The following RDX variants were observed in gnomAD, a reference collection of about 807,000 sequenced individuals.
RDX encodes deafness, autosomal recessive 24.
A neutral mutation model predicts 83.7 loss-of-function variants in RDX; 32 were observed. The ratio of observed to expected loss-of-function variants is 0.38; its 90% CI spans 0.29 to 0.51. RDX has a LOEUF of 0.51. RDX is among the 20% of genes least tolerant of loss of function. The probability of loss-of-function intolerance (pLI) is 0.87; values close to 1 mark genes in which losing one functional copy is unlikely to be tolerated. For synonymous variants in RDX, 229 were observed against 222.7 expected (o/e 1.03, Z -0.25); for missense variants, 600 against 689.9 (o/e 0.87, Z 1.46).
At chr11:110,216,476 G>A (rs540013442) in intron 14 of RDX, among the ~76,000 whole-genome samples, 44 of 151,214 alleles carry the variant, frequency 2.9e-4, no homozygotes, top group African/African-American at 1.0e-3. Context: ...GGGCTCAAGT[G>A]ATCCTCCCAC....
intron 14 of RDX, among the ~76,000 whole-genome samples, chr11:110,211,803 C>T (rs963681606): frequency 9.2e-5 from 14 of 151,760 alleles, no homozygotes; most frequent in Non-Finnish European, 1.9e-4. Flanking sequence ...AAAGACACAA[C>T]ATACCAGAAT....
intron 1 of RDX, among the ~76,000 whole-genome samples, chr11:110,281,224 AT>A (rs1418956648): frequency 6.6e-6 from 1 of 152,220 alleles, no homozygotes; most frequent in Non-Finnish European, 1.5e-5. Flanking sequence ...CTAAGTTGTA[AT>A]AAAAATGAAA....
At chr11:110,196,402 A>G (rs1863211575) in intron 15 of RDX, among the ~76,000 whole-genome samples, 1 of 151,776 alleles carries the variant, frequency 6.6e-6, no homozygotes, top group South Asian at 2.1e-4. Flanking sequence ...GCGTCCACAA[A>G]CTCTACACTC....
At chr11:110,282,880 G>C (rs1011524353) in intron 1 of RDX, among the ~76,000 whole-genome samples, 1 of 152,150 alleles carries the variant, frequency 6.6e-6, no homozygotes, top group Non-Finnish European at 1.5e-5. Flanking sequence ...AAGAGGCTAA[G>C]GCAGGAAGAT....
intron 15 of RDX, among the ~76,000 whole-genome samples, chr11:110,198,983 T>G (rs1010989159): frequency 2.0e-5 from 3 of 152,050 alleles, no homozygotes; most frequent in Non-Finnish European, 4.4e-5. Context: ...TCCTAATTTT[T>G]TTTGTATTTT....
intron 3 of RDX, among the ~76,000 whole-genome samples, chr11:110,265,109 G>GTTTTTTTTTTTTTT (rs71053876): frequency 3.9e-4 from 35 of 90,694 alleles, no homozygotes; most frequent in Non-Finnish European, 5.4e-4. Context: ...TTTTTTTTTT[G>GTTTTTTTTTTTTTT]TTTTTTTTTT....
rs1169900187 is a variant in RDX at position 110,239,988 on chromosome 11, CCATAGTATCCAGCAATATCCAAAA to C, written c.1091-2360_1091-2337del. 2.6e-5 allele frequency among the ~76,000 whole-genome samples: 4 copies of C among 152,054 alleles called. No individual in the cohort carries two copies. The East Asian group carries it at 5.8e-4, about 22-fold the overall frequency. On this transcript the variant is annotated intron_variant, in intron 10 of 13. Coordinates refer to ENST00000645495, the MANE Select transcript of RDX (RefSeq NM_002906.4). ...TCAAAAAACTAAAACTACGGAATTA[CCATAGTATCCAGCAATATCCAAAA>C]CATAGTATCCAGCAATATCCAGCAA... is the stretch of plus-strand genomic sequence containing the variant.
At chr11:110,185,033 T>G (rs1383473732) in intron 15 of RDX, 1 of 152,170 alleles carries the variant, frequency 6.6e-6, no homozygotes, top group Non-Finnish European at 1.5e-5. Context: ...GTTTGTACTT[T>G]TACACTTCAA....
chr11:110,264,779 CTTT>C lies in RDX; in HGVS notation c.189_191del (p.Lys64del), dbSNP rs1276898609. ...TTTAATGTTATCGTACATATTTTACCTTTTTATTTAGTTTAAGCCATGTAGAAT... is the reference window on the plus strand; with the variant it reads ...TTTAATGTTATCGTACATATTTTACCTTATTTAGTTTAAGCCATGTAGAAT... On this transcript the variant is annotated inframe_deletion and splice_region_variant, in exon 4 of 14. Transcript: ENST00000645495. The C allele has an allele frequency of 1.9e-6, 3 of 1,597,242 alleles. No homozygotes were observed. Among genetic ancestry groups the C allele is most frequent in the Admixed American group, 3.3e-5 (2 of 59,860 alleles).
intron 3 of RDX, among the ~76,000 whole-genome samples, chr11:110,268,686 G>A (rs1480556304): frequency 2.0e-5 from 3 of 151,984 alleles, no homozygotes; most frequent in Non-Finnish European, 4.4e-5. Context: ...CAAATACAAG[G>A]AACAAGAAAG....
intron 12 of RDX, among the ~76,000 whole-genome samples, chr11:110,234,417 A>G (rs1290154607): frequency 6.6e-6 from 1 of 152,214 alleles, no homozygotes; most frequent in Non-Finnish European, 1.5e-5. Context: ...TTTTTGGGAA[A>G]TTCTTAATAT....
downstream of RDX, among the ~76,000 whole-genome samples, chr11:110,228,195 G>A (rs1864493686): frequency 6.6e-6 from 1 of 152,030 alleles, no homozygotes; most frequent in East Asian, 1.9e-4. Flanking sequence ...TTTAACATAT[G>A]GAACATGATT....
At chr11:110,184,506 G>A (rs1315103032) in intron 15 of RDX, among the ~76,000 whole-genome samples, 1 of 152,226 alleles carries the variant, frequency 6.6e-6, no homozygotes, top group Non-Finnish European at 1.5e-5. Flanking sequence ...TGCAGGGTGG[G>A]TGGTAGAGCC....
intron 14 of RDX, among the ~76,000 whole-genome samples, chr11:110,207,243 G>T (rs1565290934): frequency 6.6e-6 from 1 of 152,108 alleles, no homozygotes; most frequent in South Asian, 2.1e-4. Flanking sequence ...CAACATGCTG[G>T]GATTACAGGC....
intron 10 of RDX, among the ~76,000 whole-genome samples, chr11:110,243,376 A>G (rs1421914738): frequency 6.6e-6 from 1 of 152,218 alleles, no homozygotes; most frequent in Non-Finnish European, 1.5e-5. Flanking sequence ...GGAAGAAGTG[A>G]TAAGGACATA....
At chr11:110,216,083 G>C (rs1212375308) in intron 14 of RDX, among the ~76,000 whole-genome samples, 4 of 152,160 alleles carry the variant, frequency 2.6e-5, no homozygotes, top group Non-Finnish European at 2.9e-5. Context: ...GGGCCAAACT[G>C]CTCAGTGGAC....
rs1864658406 is a variant in RDX at position 110,232,039 on chromosome 11, T to TA, written c.1588-7dup. The stretch of plus-strand genomic sequence containing the variant: ...GCTAATTCTGAACTTAATGCCTATT[T>TA]AAAAAATAAAAAGTACAACTATTAT... On this transcript the variant is annotated splice_region_variant and splice_polypyrimidine_tract_variant and intron_variant, in intron 13 of 13. Transcript: ENST00000645495. 3 of 1,603,912 alleles carry TA rather than the reference T, an allele frequency of 1.9e-6. No homozygotes were observed. The highest frequency in any genetic ancestry group is 3.3e-4 in the Middle Eastern group (2 of 5,992).
intron 14 of RDX, among the ~76,000 whole-genome samples, chr11:110,209,005 C>A (rs961680672): frequency 6.6e-6 from 1 of 152,172 alleles, no homozygotes; most frequent in Non-Finnish European, 1.5e-5. Flanking sequence ...CGAATAGGAA[C>A]AGCTCCGGTC....
intron 9 of RDX, among the ~76,000 whole-genome samples, chr11:110,253,116 C>T (rs1246212004): frequency 6.6e-6 from 1 of 152,112 alleles, no homozygotes; most frequent in Non-Finnish European, 1.5e-5. Context: ...AAAAATCATT[C>T]AATATAAAAC....
Sources: gnomAD v4.1 joint callset for allele counts (sites outside exome capture counted in the v4.1 genomes callset) on GRCh38, gnomAD v4.1.1 for gene constraint, MANE v1.5 for transcripts, NCBI Gene and HGNC (gene_info 2026-07-23, HGNC 2026-07-21) for gene names.